MACF1: variants seen among roughly 807,000 people sequenced by gnomAD.
MACF1 encodes microtubule actin crosslinking factor 1, also known as microtubule-actin cross-linking factor 1.
MACF1 carries 193 observed loss-of-function variants against 854.8 expected under a neutral mutation model. That is an observed-to-expected ratio of 0.23 (90% CI 0.20 to 0.25). The LOEUF is 0.25. Among genes scored for constraint, MACF1 ranks in the 10% least tolerant of loss-of-function variants. MACF1 has a pLI of 1.00. For synonymous variants in MACF1, 3,185 were observed against 3,226.7 expected (o/e 0.99, Z 0.44); for missense variants, 7,722 against 8,929.1 (o/e 0.86, Z 5.45).
chr1:39,140,914 CAAAAAAAAAAA>C (rs34687844), intron 2 of MACF1, among the ~76,000 whole-genome samples: 13 of 48,272 alleles, frequency 2.7e-4, no homozygotes, highest in African/African-American at 7.0e-4. Flanking sequence ...GACTCTGTCT[CAAAAAAAAAAA>C]AAAAAAAAAA....
At chr1:39,091,165 C>T (rs71642673) in intron 2 of MACF1, among the ~76,000 whole-genome samples, 22,764 of 152,136 alleles carry the variant, frequency 0.15, 1,822 homozygotes, top group Non-Finnish European at 0.18. Context: ...CCAGAAGATA[C>T]CAGGCTTTTG....
At chr1:39,456,040 T>G (rs1644430042) in intron 89 of MACF1, among the ~76,000 whole-genome samples, 1 of 152,160 alleles carries the variant, frequency 6.6e-6, no homozygotes, top group Non-Finnish European at 1.5e-5. Context: ...CAGTAGAAAC[T>G]ATACAATTAG....
chr1:39,349,682 G>C, intron 42 of MACF1, 55 bp downstream of exon 42: 4 of 1,573,454 alleles, frequency 2.5e-6, no homozygotes, highest in Non-Finnish European at 2.6e-6. Flanking sequence ...GCTTAGGCTG[G>C]AGTACAGTGG....
At position 39,435,893 on chromosome 1, in the gene MACF1, G is replaced by A. The variant is rs1181306823; in HGVS notation, c.17988+132G>A. 8.1e-6 allele frequency: 6 copies of A among 737,816 alleles called. No individual in the cohort carries two copies. The East Asian group carries it at 1.6e-4, about 20-fold the overall frequency. 45.7% of individuals were successfully genotyped at this position (737,816 alleles called of 1,614,324 possible). A position where few individuals can be genotyped will look rare whatever the true frequency, so the allele number is the denominator to read the frequency against. The stretch of plus-strand genomic sequence containing the variant: ...TAATACGTGATCGGTAGATAGAACA[G>A]AAAGCTTAGCCTATCTTCATTTTTA... On this transcript the variant is annotated intron_variant, in intron 70 of 100. Coordinates refer to ENST00000564288, the MANE Select transcript of MACF1 (RefSeq NM_001394062.1).
intron 1 of MACF1, 140 bp downstream of exon 1, chr1:39,205,271 T>C (rs1644437287): frequency 1.6e-6 from 1 of 628,416 alleles, no homozygotes; most frequent in Non-Finnish European, 2.8e-6. Context: ...CTTAAGAGTG[T>C]GTGTGTGTGA....
intron 3 of MACF1, 198 bp downstream of exon 3, chr1:39,250,301 A>G (rs979265703): frequency 1.3e-5 from 5 of 375,966 alleles, no homozygotes; most frequent in East Asian, 7.9e-5. Context: ...TTGATGTATT[A>G]TATGTTCTCA....
chr1:39,402,534 A>G (rs934310540), intron 58 of MACF1, among the ~76,000 whole-genome samples: 11 of 152,162 alleles, frequency 7.2e-5, no homozygotes, highest in African/African-American at 2.7e-4. Context: ...CCTCAAGAGG[A>G]GAGGAAGAGG....
chr1:39,425,471 C>G (rs1300229498), intron 61 of MACF1, among the ~76,000 whole-genome samples: 2 of 152,168 alleles, frequency 1.3e-5, no homozygotes, highest in African/African-American at 2.4e-5. Context: ...ATGAGGCTGA[C>G]ACACTGCCTG....
At position 39,357,519 on chromosome 1, in the gene MACF1, C is replaced by A; in HGVS notation, c.11569C>A (p.Gln3857Lys). ...LQQKLGELKEQYSTSLAQSEA... is the reference protein window; with the variant it reads ...LQQKLGELKEKYSTSLAQSEA... ...ACAGAAGCTGGGAGAGCTAAAGGAACAATACTCTACTTCCCTGGCCCAATC... is the reference window on the plus strand; with the variant it reads ...ACAGAAGCTGGGAGAGCTAAAGGAAAAATACTCTACTTCCCTGGCCCAATC... The change falls in exon 45 of 101, where the codon CAA becomes AAA. Residue 3857 changes from glutamine to lysine, a missense_variant. Coordinates refer to ENST00000564288, the MANE Select transcript of MACF1 (RefSeq NM_001394062.1). The A allele has an allele frequency of 6.2e-7, 1 of 1,614,134 alleles. No individual in the cohort carries two copies. The highest frequency in any genetic ancestry group is 8.5e-7 in the Non-Finnish European group (1 of 1,180,038).
chr1:39,313,752 C>T (rs1309199701), intron 26 of MACF1, among the ~76,000 whole-genome samples: 1 of 151,952 alleles, frequency 6.6e-6, no homozygotes, highest in Admixed American at 6.6e-5. Context: ...TTTAACATGT[C>T]CCCATCATTT....
chr1:39,308,211 T>G (rs1646230161), intron 23 of MACF1, among the ~76,000 whole-genome samples: 1 of 152,184 alleles, frequency 6.6e-6, no homozygotes. Context: ...CCTTATTTCT[T>G]TAATTATTTC....
At chr1:39,256,821 G>A (rs1645102006) in intron 5 of MACF1, among the ~76,000 whole-genome samples, 1 of 151,446 alleles carries the variant, frequency 6.6e-6, no homozygotes, top group African/African-American at 2.4e-5. Flanking sequence ...TAATGGAGGT[G>A]AGAGCAGGCC....
chr1:39,476,924 C>T (rs1644895510), intron 97 of MACF1, among the ~76,000 whole-genome samples: 1 of 148,264 alleles, frequency 6.7e-6, no homozygotes, highest in Non-Finnish European at 1.5e-5. Flanking sequence ...GCTTCAAGGA[C>T]GCCTGCTCCC....
At chr1:39,389,816 A>G (rs1641961627) in intron 58 of MACF1, among the ~76,000 whole-genome samples, 1 of 152,200 alleles carries the variant, frequency 6.6e-6, no homozygotes, top group South Asian at 2.1e-4. Flanking sequence ...TTAAGATAAA[A>G]CATGACACTT....
At chr1:39,156,043 G>T (rs1369082604) in intron 2 of MACF1, among the ~76,000 whole-genome samples, 1 of 152,006 alleles carries the variant, frequency 6.6e-6, no homozygotes, top group Non-Finnish European at 1.5e-5. Context: ...GCCCGCCACC[G>T]CACCCAGCTA....
At chr1:39,264,336 T>G (rs74066724) in intron 6 of MACF1, among the ~76,000 whole-genome samples, 4,565 of 152,278 alleles carry the variant, frequency 0.03, 229 homozygotes, top group African/African-American at 0.1. Context: ...CTTACAGTAT[T>G]GTATTGGGTA....
intron 2 of MACF1, among the ~76,000 whole-genome samples, chr1:39,199,232 G>A (rs747798622): frequency 1.3e-4 from 19 of 151,858 alleles, no homozygotes; most frequent in Non-Finnish European, 2.2e-4. Flanking sequence ...TGATCCGCCC[G>A]CCTCGGCCTC....
intron 88 of MACF1, 119 bp from the exon 89 acceptor site, chr1:39,454,790 A>G (rs1420952733): frequency 3.5e-6 from 3 of 857,210 alleles, no homozygotes; most frequent in Non-Finnish European, 5.3e-6. Context: ...ACAGAGCGAG[A>G]GTCTGTCTCC....
chr1:39,112,047 C>T (rs1428650793), intron 2 of MACF1, among the ~76,000 whole-genome samples: 1 of 150,234 alleles, frequency 6.7e-6, no homozygotes, highest in Admixed American at 6.6e-5. Context: ...TTTACATTCT[C>T]TTTTCCAGGA....
Sources: allele counts gnomAD v4.1 joint callset (sites outside exome capture counted in the v4.1 genomes callset), GRCh38; gene constraint gnomAD v4.1.1; transcripts MANE v1.5; gene names NCBI Gene and HGNC (gene_info 2026-07-23, HGNC 2026-07-21).